Variants in MAP3K13 observed in about 807,000 individuals in gnomAD.
The protein encoded by MAP3K13 is mitogen-activated protein kinase kinase kinase 13, also known as leucine zipper-bearing kinase.
Under a neutral mutation model 104.0 loss-of-function variants are expected in MAP3K13, and 52 were observed. The ratio of observed to expected loss-of-function variants is 0.50; its 90% confidence interval spans 0.40 to 0.63. The LOEUF (loss-of-function observed/expected upper bound fraction) is 0.63, where lower values mean the gene tolerates loss of function less well. Ranked by LOEUF, MAP3K13 falls within the 20% of genes least tolerant of loss-of-function variation. The probability of loss-of-function intolerance (pLI) is 0.00; values close to 1 mark genes in which losing one functional copy is unlikely to be tolerated. For missense variants in MAP3K13, 914 were observed against 1,218.5 expected, an observed-to-expected ratio of 0.75 and a Z score of 3.72; for synonymous variants, 394 against 442.2, an observed-to-expected ratio of 0.89 and a Z score of 1.37.
chr3:185,320,598 A>G (rs930956504), intron 2 of MAP3K13, among the ~76,000 whole-genome samples: 3 of 152,206 alleles, frequency 2.0e-5, no homozygotes, highest in African/African-American at 7.2e-5. Flanking sequence ...TGGCATTTTC[A>G]AGAAGCTTCT....
Position 185,330,345 on chromosome 3 carries a change from C to T in MAP3K13, c.-86+44702C>T, listed in dbSNP as rs142181258. 5.3e-3 allele frequency among the ~76,000 whole-genome samples: 810 copies of T among 151,780 alleles called. 13 individuals are homozygous for T. Among genetic ancestry groups the T allele is most frequent in the African/African-American group, 0.019 (776 of 41,368 alleles). ...TGCTTCTTGTTTCTGCTGTACTGAG[C>T]GGGAGCTCAGATCATGGTGCTGGGC... is the stretch of plus-strand genomic sequence containing the variant. On this transcript the variant is annotated intron_variant, in intron 2 of 14. Coordinates refer to the MAP3K13 transcript ENST00000424227.
chr3:185,329,165 T>A (rs1331183567), intron 2 of MAP3K13: 1 of 701,482 alleles, frequency 1.4e-6, no homozygotes, highest in Non-Finnish European at 2.6e-6. Context: ...TATCAGCAAG[T>A]GTGCTGCTAA....
chr3:185,345,263 G>T (rs371583276), intron 2 of MAP3K13, among the ~76,000 whole-genome samples: 3 of 151,670 alleles, frequency 2.0e-5, no homozygotes, highest in Non-Finnish European at 4.4e-5. Context: ...ACACGTAAAC[G>T]CATACACCTT....
intron 2 of MAP3K13, among the ~76,000 whole-genome samples, chr3:185,352,080 G>A (rs1376920806): frequency 6.6e-6 from 1 of 152,114 alleles, no homozygotes; most frequent in Non-Finnish European, 1.5e-5. Context: ...TTAGTCATGT[G>A]GTCACGTGTA....
chr3:185,353,763 T>G (rs190352656), intron 2 of MAP3K13, among the ~76,000 whole-genome samples: 1 of 152,242 alleles, frequency 6.6e-6, no homozygotes, highest in South Asian at 2.1e-4. Context: ...AAAGTACTAA[T>G]GTATGCCTTA....
At chr3:185,378,310 A>C (rs1724535943) in intron 1 of MAP3K13, among the ~76,000 whole-genome samples, 1 of 152,186 alleles carries the variant, frequency 6.6e-6, no homozygotes, top group African/African-American at 2.4e-5. Flanking sequence ...AGGGCTATAA[A>C]GCATCTCAGG....
In MAP3K13 at chr3:185,451,283, T is replaced by C. The variant is rs748104402; in HGVS notation, c.1170-4T>C. On this transcript the variant is annotated splice_polypyrimidine_tract_variant and splice_region_variant and intron_variant, in intron 6 of 13. Coordinates refer to ENST00000265026, the MANE Select transcript of MAP3K13 (RefSeq NM_004721.5). The stretch of plus-strand genomic sequence containing the variant: ...AATGCACAAACTGTCTTTTTCACTT[T>C]TAGGCAGAGTAAACCTCGAAACCGA... 2.5e-6 allele frequency: 4 copies of C among 1,602,446 alleles called. No homozygotes were observed. The highest frequency in any genetic ancestry group is 3.4e-6 in the Non-Finnish European group (4 of 1,173,516).
At chr3:185,479,781 A>T (rs1202944469) in intron 12 of MAP3K13, among the ~76,000 whole-genome samples, 1 of 152,220 alleles carries the variant, frequency 6.6e-6, no homozygotes, top group Non-Finnish European at 1.5e-5. Context: ...AGGTGTCAGC[A>T]GATTCAGTTT....
intron 1 of MAP3K13, among the ~76,000 whole-genome samples, chr3:185,421,075 G>A (rs1185435761): frequency 2.0e-5 from 3 of 152,198 alleles, no homozygotes; most frequent in East Asian, 1.9e-4. Flanking sequence ...TTTGCGGATC[G>A]GGACCTGTTG....
At chr3:185,459,197 G>T (rs1716947612) in intron 7 of MAP3K13, among the ~76,000 whole-genome samples, 1 of 152,096 alleles carries the variant, frequency 6.6e-6, no homozygotes, top group Admixed American at 6.6e-5. Context: ...ATCTTGTGAG[G>T]GAGCAGATAC....
Position 185,433,101 on chromosome 3 carries a change from C to T in MAP3K13, c.475+4045C>T, listed in dbSNP as rs3772685. ...AAAATTTTAATGATGTCCTCACCTC[C>T]CTTTGAGTATGTTGATAGTGAGCCC... On this transcript the variant is annotated intron_variant, in intron 2 of 13. Transcript: ENST00000265026. Among the ~76,000 whole-genome samples the T allele has an allele frequency of 7.9e-5, 12 of 152,324 alleles. No individual in the cohort carries two copies. The East Asian group carries it at 2.3e-3, about 29-fold the overall frequency.
chr3:185,458,420 G>A (rs1211979500), intron 7 of MAP3K13, among the ~76,000 whole-genome samples: 9 of 150,582 alleles, frequency 6.0e-5, no homozygotes, highest in South Asian at 2.1e-4. Context: ...AGTTGCGTAC[G>A]ATAGCATAAA....
At chr3:185,348,896 A>G (rs1351539230) in intron 2 of MAP3K13, among the ~76,000 whole-genome samples, 5 of 152,160 alleles carry the variant, frequency 3.3e-5, no homozygotes, top group Non-Finnish European at 7.3e-5. Context: ...CAGCCTGGCA[A>G]CAGAGCGAGA....
chr3:185,300,717 C>G (rs913257095), intron 2 of MAP3K13, among the ~76,000 whole-genome samples: 5 of 152,014 alleles, frequency 3.3e-5, no homozygotes, highest in African/African-American at 1.2e-4. Context: ...GTCTCAAACT[C>G]CTGACCTCAA....
At chr3:185,300,252 C>T (rs1202959835) in intron 2 of MAP3K13, among the ~76,000 whole-genome samples, 2 of 149,830 alleles carry the variant, frequency 1.3e-5, no homozygotes, top group African/African-American at 4.9e-5. Flanking sequence ...TGCAGTGGCA[C>T]GATCTCGGCT....
intron 2 of MAP3K13, among the ~76,000 whole-genome samples, chr3:185,320,967 T>C (rs767029521): frequency 9.2e-5 from 14 of 152,208 alleles, no homozygotes; most frequent in Non-Finnish European, 1.5e-4. Flanking sequence ...CTATAGTATG[T>C]GACAGTAGTG....
chr3:185,292,627 G>A, intron 2 of MAP3K13: 1 of 983,310 alleles, frequency 1.0e-6, no homozygotes, highest in Non-Finnish European at 1.2e-6. Context: ...CAGACAAAGG[G>A]TCCTGTTACA....
chr3:185,396,799 G>A (rs774241218), intron 1 of MAP3K13, among the ~76,000 whole-genome samples: 2 of 152,032 alleles, frequency 1.3e-5, no homozygotes, highest in East Asian at 1.9e-4. Flanking sequence ...CAGAAGGGTC[G>A]GTGTGGTGAA....
At chr3:185,362,930 A>AACACACACACACACACACACACACACAC (rs772942357), upstream of MAP3K13, 3 of 132,286 alleles carry the variant, frequency 2.3e-5, no homozygotes, top group East Asian at 4.7e-4. Flanking sequence ...CACAGCTTGA[A>AACACACACACACACACACACACACACAC]ACACACACAC....
Sources: allele counts gnomAD v4.1 joint callset (sites outside exome capture counted in the v4.1 genomes callset), GRCh38; gene constraint gnomAD v4.1.1; transcripts MANE v1.5; gene names NCBI Gene and HGNC (gene_info 2026-07-23, HGNC 2026-07-21).